DKK2: variants seen among roughly 807,000 people sequenced by gnomAD.
DKK2 encodes dickkopf Wnt signaling pathway inhibitor 2.
DKK2 carries 11 observed loss-of-function variants against 28.1 expected under a neutral mutation model. The ratio of observed to expected loss-of-function variants is 0.39; its 90% confidence interval spans 0.25 to 0.65. DKK2 has a LOEUF of 0.65. Ranked by LOEUF, DKK2 falls within the 30% of genes least tolerant of loss-of-function variation. The probability of loss-of-function intolerance (pLI) is 0.47; values close to 1 mark genes in which losing one functional copy is unlikely to be tolerated. For missense variants in DKK2, 326 were observed against 335.5 expected, an observed-to-expected ratio of 0.97 and a Z score of 0.22; for synonymous variants, 135 against 126.5, an observed-to-expected ratio of 1.07 and a Z score of -0.45.
At chr4:107,003,289 T>A (rs1723389081) in intron 1 of DKK2, among the ~76,000 whole-genome samples, 1 of 152,210 alleles carries the variant, frequency 6.6e-6, no homozygotes. Context: ...TTCACTCTTT[T>A]ACCCAGGTCA....
chr4:106,931,346 T>C lies in DKK2; in HGVS notation c.223-5397A>G, dbSNP rs150142147. ...TCAATATTTATTTAGTATTTATTTA[T>C]TGAACACCAACTATGATCCAGAAAC... On this transcript the variant is annotated intron_variant, in intron 1 of 3. Coordinates refer to ENST00000285311, the MANE Select transcript of DKK2 (RefSeq NM_014421.3). Among the ~76,000 whole-genome samples, 1,415 of 152,254 alleles carry C rather than the reference T, an allele frequency of 9.3e-3. 5 individuals carry two copies. Among genetic ancestry groups the C allele is most frequent in the African/African-American group, 0.018 (743 of 41,548 alleles).
intron 1 of DKK2, among the ~76,000 whole-genome samples, chr4:106,929,245 G>T (rs1294370984): frequency 1.3e-5 from 2 of 152,044 alleles, no homozygotes; most frequent in Admixed American, 6.6e-5. Flanking sequence ...ACTTGCTATG[G>T]CAATTGTTAA....
intron 1 of DKK2, among the ~76,000 whole-genome samples, chr4:106,967,956 AAG>A (rs1722808445): frequency 1.4e-5 from 1 of 72,300 alleles, no homozygotes; most frequent in South Asian, 4.5e-4. Flanking sequence ...AGAGAAAACA[AAG>A]AAAGAAAGGA....
At chr4:106,960,419 A>C (rs1024372240) in intron 1 of DKK2, among the ~76,000 whole-genome samples, 5 of 152,058 alleles carry the variant, frequency 3.3e-5, no homozygotes, top group Admixed American at 1.3e-4. Flanking sequence ...GGAGACTCAG[A>C]AGAGGGGAGC....
chr4:107,023,376 G>C (rs1370945222), intron 1 of DKK2, among the ~76,000 whole-genome samples: 1 of 151,928 alleles, frequency 6.6e-6, no homozygotes, highest in Non-Finnish European at 1.5e-5. Context: ...CTAAGTGAAA[G>C]AAGCCAATCT....
intron 1 of DKK2, among the ~76,000 whole-genome samples, chr4:106,939,526 A>G (rs1332051419): frequency 1.3e-5 from 2 of 152,246 alleles, no homozygotes; most frequent in Non-Finnish European, 1.5e-5. Context: ...GAAAATGGCC[A>G]TACGGCCCAA....
At chr4:107,020,302 T>C (rs142008995) in intron 1 of DKK2, among the ~76,000 whole-genome samples, 5 of 152,206 alleles carry the variant, frequency 3.3e-5, no homozygotes, top group Admixed American at 1.3e-4. Flanking sequence ...TTGCAGATGC[T>C]GTGTCCAGGA....
At chr4:106,940,640 C>T (rs1724680253) in intron 1 of DKK2, among the ~76,000 whole-genome samples, 1 of 150,528 alleles carries the variant, frequency 6.6e-6, no homozygotes, top group Non-Finnish European at 1.5e-5. Flanking sequence ...AATCATGCTG[C>T]TATAAAGACA....
At chr4:106,947,739 A>G (rs950523362) in intron 1 of DKK2, among the ~76,000 whole-genome samples, 2 of 146,934 alleles carry the variant, frequency 1.4e-5, no homozygotes, top group Non-Finnish European at 3.0e-5. Context: ...CAGTGGCATG[A>G]TCATAGCTCA....
At chr4:106,993,457 C>T (rs184585558) in intron 1 of DKK2, among the ~76,000 whole-genome samples, 23 of 152,206 alleles carry the variant, frequency 1.5e-4, no homozygotes, top group African/African-American at 4.3e-4. Flanking sequence ...ATAATATCCA[C>T]GAAGACCAAT....
chr4:107,015,702 G>C (rs1023056081), intron 1 of DKK2, among the ~76,000 whole-genome samples: 1 of 151,622 alleles, frequency 6.6e-6, no homozygotes, highest in African/African-American at 2.4e-5. Context: ...TCAATGATCT[G>C]TGTCTCAATC....
intron 1 of DKK2, among the ~76,000 whole-genome samples, chr4:106,929,363 T>C (rs1223880639): frequency 6.6e-6 from 1 of 152,156 alleles, no homozygotes; most frequent in Non-Finnish European, 1.5e-5. Flanking sequence ...GTGAAAGAAT[T>C]AGGGAAGGAC....
chr4:107,034,747 G>T (rs1723936043), intron 1 of DKK2, among the ~76,000 whole-genome samples: 1 of 152,140 alleles, frequency 6.6e-6, no homozygotes, highest in South Asian at 2.1e-4. Flanking sequence ...GAGAGTAAGT[G>T]GTTGGAAGGG....
chr4:106,952,767 G>A (rs1244935903), intron 1 of DKK2, among the ~76,000 whole-genome samples: 1 of 152,102 alleles, frequency 6.6e-6, no homozygotes, highest in African/African-American at 2.4e-5. Context: ...ACTACTTCTA[G>A]GGAAAGATCT....
intron 1 of DKK2, among the ~76,000 whole-genome samples, chr4:106,945,149 T>G (rs1056707600): frequency 9.2e-5 from 14 of 152,106 alleles, no homozygotes; most frequent in African/African-American, 3.4e-4. Context: ...GTAGGATGTT[T>G]TGAAAAAGCA....
chr4:107,021,564 C>CA (rs1481415508), intron 1 of DKK2, among the ~76,000 whole-genome samples: 1 of 151,982 alleles, frequency 6.6e-6, no homozygotes, highest in African/African-American at 2.4e-5. Context: ...AGTTCTTGTC[C>CA]ACTTTACTGA....
chr4:106,933,867 C>G (rs188571236), intron 1 of DKK2, among the ~76,000 whole-genome samples: 30 of 152,062 alleles, frequency 2.0e-4, no homozygotes, highest in African/African-American at 6.3e-4. Flanking sequence ...TTTCTGCACC[C>G]AAAATGTAAA....
chr4:106,981,525 T>A (rs1723026667), intron 1 of DKK2, among the ~76,000 whole-genome samples: 1 of 152,250 alleles, frequency 6.6e-6, no homozygotes, highest in East Asian at 1.9e-4. Flanking sequence ...TCCCTTCATA[T>A]TTGAATTTCC....
At chr4:106,955,601 A>G (rs1722579069) in intron 1 of DKK2, among the ~76,000 whole-genome samples, 2 of 152,204 alleles carry the variant, frequency 1.3e-5, no homozygotes, top group African/African-American at 2.4e-5. Context: ...AATACAAAAG[A>G]AGAATCAAAT....
Sources: allele counts gnomAD v4.1 joint callset (sites outside exome capture counted in the v4.1 genomes callset), GRCh38; gene constraint gnomAD v4.1.1; transcripts MANE v1.5; gene names NCBI Gene and HGNC (gene_info 2026-07-23, HGNC 2026-07-21).